The following PIK3CD variants were observed in gnomAD, a reference collection of about 807,000 sequenced individuals.
PIK3CD encodes the protein phosphatidylinositol-4,5-bisphosphate 3-kinase catalytic subunit delta, also known as phosphatidylinositol 4,5-bisphosphate 3-kinase catalytic subunit delta isoform.
In PIK3CD, 20 loss-of-function variants were observed where a neutral mutation model predicts 122.9. The ratio of observed to expected loss-of-function variants is 0.16; its 90% CI spans 0.11 to 0.24. The LOEUF is 0.24. Ranked by LOEUF, PIK3CD falls within the 10% of genes least tolerant of loss-of-function variation. The probability of loss-of-function intolerance (pLI) is 1.00; values close to 1 mark genes in which losing one functional copy is unlikely to be tolerated. For missense variants in PIK3CD, 787 were observed against 1,406.3 expected (o/e 0.56, Z 7.04); for synonymous variants, 596 against 593.4 (o/e 1.00, Z -0.06).
upstream of PIK3CD, among the ~76,000 whole-genome samples, chr1:9,651,300 G>A (rs1644666885): frequency 6.6e-6 from 1 of 152,134 alleles, no homozygotes; most frequent in Non-Finnish European, 1.5e-5. Flanking sequence ...CACATTTTGG[G>A]TGTGTGTCCT....
chr1:9,690,628 C>T lies in PIK3CD; in HGVS notation c.-137-839C>T, dbSNP rs74665989. Among the ~76,000 whole-genome samples the T allele has an allele frequency of 5.1e-3, 770 of 152,288 alleles. 5 individuals carry two copies. Among genetic ancestry groups the T allele is most frequent in the East Asian group, 0.022 (114 of 5,176 alleles). On this transcript the variant is annotated intron_variant, in intron 1 of 23. Transcript: ENST00000377346. ...GCCTGGGCTCCCGCAGCAGGGTCCC[C>T]GGAGCATCTTTGCAGGGATAGAGGC...
chr1:9,676,977 G>T (rs998939984), intron 1 of PIK3CD, among the ~76,000 whole-genome samples: 1 of 152,186 alleles, frequency 6.6e-6, no homozygotes, highest in Non-Finnish European at 1.5e-5. Flanking sequence ...GAGAGAGTGT[G>T]ACCAGGACAA....
At position 9,721,209 on chromosome 1, in the gene PIK3CD, A is replaced by G. The variant is rs1287071221; in HGVS notation, c.1772A>G (p.His591Arg). 8 of 1,613,358 alleles carry G rather than the reference A, an allele frequency of 5.0e-6. No homozygotes were observed. The highest frequency in any genetic ancestry group is 4.4e-5 in the South Asian group (4 of 91,086). Residue 591 changes from histidine to arginine, a missense_variant, in exon 14 of 24, where the codon CAC (histidine) becomes CGC (arginine). Physicochemically the swap from His to Arg is conservative, Grantham distance 29. This residue lies in a region of PIK3CD where 592 missense variants were observed against 920.6 expected (regional missense o/e 0.64). Transcript: ENST00000377346. Reference protein sequence around the residue: ...ELLDFSFPDCHVGSFAIKSLR... With the variant: ...ELLDFSFPDCRVGSFAIKSLR... ...CTAGACTTCAGCTTCCCCGATTGCC[A>G]CGTAGGCTCCTTCGCCATCAAGTCG...
the PIK3CD span, among the ~76,000 whole-genome samples, chr1:9,638,778 T>C: frequency 1.2e-5 from 1 of 85,430 alleles, no homozygotes; most frequent in South Asian, 3.6e-4. Flanking sequence ...TTTTGCAAGA[T>C]TTTTTTTTTT....
chr1:9,714,606 G>A (rs894363756), intron 3 of PIK3CD, among the ~76,000 whole-genome samples: 8 of 152,084 alleles, frequency 5.3e-5, no homozygotes, highest in African/African-American at 9.7e-5. Flanking sequence ...CCTCCAGGCC[G>A]GGCACATAGA....
At chr1:9,662,309 C>CT (rs1645032908) in intron 1 of PIK3CD, 1 of 154,060 alleles carries the variant, frequency 6.5e-6, no homozygotes, top group Non-Finnish European at 1.4e-5. Context: ...ATTCACGGAT[C>CT]TTTTTGTGGT....
chr1:9,668,087 A>C (rs1645218001), intron 1 of PIK3CD, among the ~76,000 whole-genome samples: 1 of 151,768 alleles, frequency 6.6e-6, no homozygotes, highest in South Asian at 2.1e-4. Context: ...ATGAGTTTAA[A>C]TAGCTTTCTT....
In PIK3CD at chr1:9,719,805, T is replaced by C. The variant is rs1419185170; in HGVS notation, c.1243-116T>C. The C allele has an allele frequency of 4.9e-5, 42 of 851,144 alleles. No homozygotes were observed. The highest frequency in any genetic ancestry group is 4.5e-4 in the South Asian group (34 of 74,960). 52.7% of individuals were successfully genotyped at this position (851,144 alleles called of 1,614,324 possible). ...CAAGCAGGGTCTCCCAGGGGTCTGG[T>C]TGGGAGATGTTAGCTGGGCTCTGGG... On this transcript the variant is annotated intron_variant, in intron 9 of 23. Transcript: ENST00000377346. The surrounding 1 kb of genome is among the most constrained non-coding windows in gnomAD (Gnocchi z 5.5).
At chr1:9,655,917 G>A (rs1292621955) in intron 1 of PIK3CD, among the ~76,000 whole-genome samples, 1 of 152,018 alleles carries the variant, frequency 6.6e-6, no homozygotes, top group Non-Finnish European at 1.5e-5. Flanking sequence ...GGCTGGTCTC[G>A]AACTCCTGAC....
At chr1:9,666,303 C>T (rs954612934) in intron 1 of PIK3CD, among the ~76,000 whole-genome samples, 1 of 123,464 alleles carries the variant, frequency 8.1e-6, no homozygotes, top group African/African-American at 3.2e-5. Context: ...TACAGTGGTG[C>T]AATCTCGGCT....
intron 1 of PIK3CD, chr1:9,653,656 G>A (rs1644747938): frequency 4.1e-6 from 2 of 488,002 alleles, no homozygotes; most frequent in Admixed American, 2.8e-5. Context: ...TGAGTGGGGC[G>A]GAAGGTTCTT....
intron 1 of PIK3CD, chr1:9,681,052 T>G (rs1387991526): frequency 6.6e-6 from 1 of 152,072 alleles, no homozygotes; most frequent in African/African-American, 2.4e-5. Flanking sequence ...TCTCAGTTCC[T>G]CTTCATGTGG....
rs1351854357 is a variant in PIK3CD at position 9,727,575 on chromosome 1, C to T, written c.*529C>T. ...CCACTTTTCAAGTGGGTCTTGGGTA[C>T]GAGAATTCCCTCATCTTTCTCTACT... On this transcript the variant is annotated 3_prime_UTR_variant, in exon 24 of 24. Coordinates refer to ENST00000377346, the MANE Select transcript of PIK3CD (RefSeq NM_005026.5). 3.0e-5 allele frequency: 7 copies of T among 229,562 alleles called. No homozygotes were observed. The highest frequency in any genetic ancestry group is 1.5e-3 in the Middle Eastern group (1 of 678). The allele number at this position is 229,562 out of a possible 1,614,324, so 14.2% of individuals were successfully genotyped here.
At chr1:9,663,051 C>A (rs1363820816) in intron 1 of PIK3CD, among the ~76,000 whole-genome samples, 1 of 152,172 alleles carries the variant, frequency 6.6e-6, no homozygotes, top group African/African-American at 2.4e-5. Context: ...CAGCCCATAG[C>A]TGGACATTAT....
At chr1:9,665,804 A>G (rs1032002317) in intron 1 of PIK3CD, among the ~76,000 whole-genome samples, 17 of 151,954 alleles carry the variant, frequency 1.1e-4, no homozygotes, top group African/African-American at 4.1e-4. Context: ...CCCAGGCTGG[A>G]GTGCAGTGGT....
At chr1:9,674,922 A>G (rs1645461441) in intron 1 of PIK3CD, among the ~76,000 whole-genome samples, 2 of 149,632 alleles carry the variant, frequency 1.3e-5, no homozygotes, top group Admixed American at 6.7e-5. Flanking sequence ...AGTCCCAGCT[A>G]CTCCAGAGGC....
chr1:9,659,941 T>G (rs1411007485), intron 1 of PIK3CD, among the ~76,000 whole-genome samples: 2 of 151,942 alleles, frequency 1.3e-5, no homozygotes, highest in Non-Finnish European at 2.9e-5. Flanking sequence ...TTGAGACGGA[T>G]TTTTGCTCTT....
the PIK3CD span, among the ~76,000 whole-genome samples, chr1:9,637,873 G>A: frequency 0.22 from 34,033 of 152,006 alleles, 5,561 homozygotes; most frequent in East Asian, 0.58. Context: ...GGAGGCCAAG[G>A]CAGGCGGATC....
In PIK3CD at chr1:9,681,475, C is replaced by CGCAA. The variant is rs1645749372; in HGVS notation, c.-137-9991_-137-9988dup. ...TGTCACCCAGGCTGGAGTGCAGTGG[C>CGCAA]GCAATCTCGGCTCACTGCAACCTCC... is the stretch of plus-strand genomic sequence containing the variant. On this transcript the variant is annotated intron_variant, in intron 1 of 23. Coordinates refer to ENST00000377346, the MANE Select transcript of PIK3CD (RefSeq NM_005026.5). 2.0e-5 allele frequency among the ~76,000 whole-genome samples: 3 copies of CGCAA among 152,278 alleles called. No homozygotes were observed. In the South Asian group the frequency reaches 6.2e-4, roughly 32 times the overall value.
Sources: allele counts gnomAD v4.1 joint callset (sites outside exome capture counted in the v4.1 genomes callset), GRCh38; gene constraint gnomAD v4.1.1; regional missense constraint gnomAD v4.1.1; non-coding constraint Gnocchi (gnomAD v3.1); transcripts MANE v1.5; gene names NCBI Gene and HGNC (gene_info 2026-07-23, HGNC 2026-07-21).